Variants in TUBGCP2 observed in about 807,000 individuals in gnomAD.
TUBGCP2 encodes the protein tubulin gamma complex component 2, also known as gamma-tubulin complex component 2.
Under a neutral mutation model 92.2 loss-of-function variants are expected in TUBGCP2, and 55 were observed. The observed-to-expected ratio is 0.60, with a 90% CI of 0.48 to 0.75. The LOEUF (loss-of-function observed/expected upper bound fraction) is 0.75, where lower values mean the gene tolerates loss of function less well. TUBGCP2 is among the 30% of genes least tolerant of loss of function. The pLI is 0.00. For missense variants in TUBGCP2, 1,093 were observed against 1,188.9 expected, an observed-to-expected ratio of 0.92 and a Z score of 1.19; for synonymous variants, 533 against 505.2, an observed-to-expected ratio of 1.06 and a Z score of -0.74.
intron 1 of TUBGCP2, among the ~76,000 whole-genome samples, chr10:133,303,407 T>A (rs761597842): frequency 6.6e-6 from 1 of 152,202 alleles, no homozygotes. Context: ...GTGGGCAGCA[T>A]GAATGGGGCC....
chr10:133,303,881 G>A (rs1847741455), intron 1 of TUBGCP2, among the ~76,000 whole-genome samples: 1 of 152,226 alleles, frequency 6.6e-6, no homozygotes, highest in Admixed American at 6.5e-5. Context: ...GATCGAAGGC[G>A]TCACAGACAC....
chr10:133,292,032 CCT>C (rs1442173866), intron 8 of TUBGCP2, among the ~76,000 whole-genome samples: 3 of 10,536 alleles, frequency 2.8e-4, no homozygotes, highest in Admixed American at 6.8e-4. Flanking sequence ...CCTCTGTGTC[CCT>C]CCGTGTCCCT....
intron 3 of TUBGCP2, 58 bp from the exon 4 acceptor site, chr10:133,299,661 G>A (rs1206698688): frequency 8.9e-6 from 13 of 1,456,974 alleles, no homozygotes; most frequent in African/African-American, 1.4e-5. Context: ...GGCCATAGGG[G>A]GAGAGTAGGG....
At chr10:133,283,372 A>C in intron 14 of TUBGCP2, 151 bp from the exon 15 acceptor site, 1 of 1,136,884 alleles carries the variant, frequency 8.8e-7, no homozygotes, top group East Asian at 2.6e-5. Flanking sequence ...AAACTTCCAA[A>C]CACCACTAAA....
rs781218555 is a variant in TUBGCP2, at chr10:133,279,842, T to C, written c.2633A>G (p.Gln878Arg). 2.5e-6 allele frequency: 4 copies of C among 1,601,174 alleles called. No individual in the cohort carries two copies. The highest frequency in any genetic ancestry group is 3.5e-5 in the Admixed American group (2 of 57,732). The change falls in exon 18 of 18, where the codon CAG (glutamine) becomes CGG (arginine). Residue 878 changes from glutamine (Q) to arginine (R), a missense_variant. Physicochemically the swap from Gln to Arg is conservative, Grantham distance 43. This residue lies in a region of TUBGCP2 where 598 missense variants were observed against 675.5 expected (regional missense o/e 0.89). Transcript: ENST00000252936. ...GACAGGCACTTGGGGGGTGGCCTTC[T>C]GGCTCCTCTCTGCAGACAGGCGCTC... ...RLERLSAERSQKATPQVPVLR... is the reference protein window; with the variant it reads ...RLERLSAERSRKATPQVPVLR...
At chr10:133,291,315 G>GGTCGTGGAT (rs1564938928) in intron 8 of TUBGCP2, among the ~76,000 whole-genome samples, 33 of 67,904 alleles carry the variant, frequency 4.9e-4, no homozygotes, top group South Asian at 1.3e-3. Flanking sequence ...TACCTGTACG[G>GGTCGTGGAT]GAGAGGGCAG....
In TUBGCP2 at chr10:133,283,218, A is replaced by C. The variant is rs1204748302; in HGVS notation, c.2149T>G (p.Ser717Ala). The change falls in exon 15 of 18, where the codon TCC becomes GCC. Residue 717 changes from serine to alanine, a missense_variant. Coordinates refer to ENST00000252936, the MANE Select transcript of TUBGCP2 (RefSeq NM_006659.4). ...HILEKNLKSA[S>A]NIDDVLGHHT... Reference sequence around the variant, plus strand: ...TGGCCAAGGACGTCGTCAATGTTGGAGGCCTGCGGGGAACAGGCCAAGCCC... The same window carrying C: ...TGGCCAAGGACGTCGTCAATGTTGGCGGCCTGCGGGGAACAGGCCAAGCCC... 5.0e-6 allele frequency: 8 copies of C among 1,614,048 alleles called. No individual in the cohort carries two copies. The African/African-American group carries it at 8.0e-5, about 16-fold the overall frequency.
At chr10:133,306,968 C>T (rs986615881) in intron 1 of TUBGCP2, among the ~76,000 whole-genome samples, 1 of 152,126 alleles carries the variant, frequency 6.6e-6, no homozygotes, top group South Asian at 2.1e-4. Flanking sequence ...GTCCCTCCCC[C>T]CAGAAGACCT....
intron 11 of TUBGCP2, 99 bp downstream of exon 11, chr10:133,288,030 G>A: frequency 7.0e-7 from 1 of 1,431,508 alleles, no homozygotes; most frequent in Non-Finnish European, 9.2e-7. Flanking sequence ...CGCCTCACCG[G>A]GACGGGGAGT....
chr10:133,293,736 A>G lies in TUBGCP2; in HGVS notation c.650T>C (p.Val217Ala). 6.2e-7 allele frequency: 1 copy of G among 1,600,492 alleles called. No individual in the cohort carries two copies. The highest frequency in any genetic ancestry group is 8.5e-7 in the Non-Finnish European group (1 of 1,174,606). ...TLPLASQESA[V>A]VEDLLYVLVG... ...CAGCACGTACAGCAGGTCCTCCACC[A>G]CGGCCGACTCCTGCGAGGCCAGGGG... Residue 217 changes from valine (V) to alanine (A), a missense_variant, in exon 6 of 18, where the codon GTG (valine) becomes GCG (alanine). Coordinates refer to ENST00000252936, the MANE Select transcript of TUBGCP2 (RefSeq NM_006659.4).
chr10:133,282,680 C>T (rs961507188), intron 15 of TUBGCP2, among the ~76,000 whole-genome samples: 11 of 152,222 alleles, frequency 7.2e-5, no homozygotes, highest in Admixed American at 5.9e-4. Context: ...ATTCTCAGAC[C>T]CCTGCTTCTG....
chr10:133,304,684 G>C (rs1376569305), intron 1 of TUBGCP2, among the ~76,000 whole-genome samples: 1 of 152,196 alleles, frequency 6.6e-6, no homozygotes, highest in African/African-American at 2.4e-5. Flanking sequence ...AGTTATGCTA[G>C]ATCTAGATCA....
At chr10:133,286,029 T>C (rs3008336) in intron 11 of TUBGCP2, among the ~76,000 whole-genome samples, 112,312 of 152,056 alleles carry the variant, frequency 0.74, 43,020 homozygotes, top group East Asian at 0.93. Flanking sequence ...CAAGTAATAC[T>C]GTCCTCACGT....
At chr10:133,307,857 G>A (rs1372401156) in intron 1 of TUBGCP2, among the ~76,000 whole-genome samples, 5 of 152,214 alleles carry the variant, frequency 3.3e-5, no homozygotes, top group Non-Finnish European at 1.5e-5. Flanking sequence ...CCACCTAGAG[G>A]AGCCTCTTGC....
upstream of TUBGCP2, chr10:133,310,571 C>CA: frequency 2.2e-6 from 1 of 458,598 alleles, no homozygotes; most frequent in Non-Finnish European, 4.0e-6. Context: ...CCTCCGCACT[C>CA]ACACCCCTCT....
At chr10:133,310,293 G>A (rs1847960759), upstream of TUBGCP2, 1 of 1,613,808 alleles carries the variant, frequency 6.2e-7, no homozygotes, top group Non-Finnish European at 8.5e-7. Flanking sequence ...CAGAAGGTAG[G>A]GAGCCGCCAG....
intron 11 of TUBGCP2, among the ~76,000 whole-genome samples, 192 bp downstream of exon 11, chr10:133,287,937 G>A (rs1379916244): frequency 6.6e-6 from 1 of 152,158 alleles, no homozygotes; most frequent in African/African-American, 2.4e-5. Flanking sequence ...CGAGACCCGC[G>A]CCCCTCCAGA....
chr10:133,280,068 T>C (rs1846928756), intron 17 of TUBGCP2, among the ~76,000 whole-genome samples, 167 bp from the exon 18 acceptor site: 1 of 152,264 alleles, frequency 6.6e-6, no homozygotes, highest in East Asian at 1.9e-4. Context: ...ACACTCCTTC[T>C]GCGGGTCCGT....
upstream of TUBGCP2, chr10:133,311,682 T>G (rs111577243): frequency 1.3e-6 from 2 of 1,580,870 alleles, no homozygotes; most frequent in Non-Finnish European, 1.7e-6. Flanking sequence ...GTGGGAGCCG[T>G]GCAGGGCAGT....
Sources: gnomAD v4.1 joint callset for allele counts (sites outside exome capture counted in the v4.1 genomes callset) on GRCh38, gnomAD v4.1.1 for gene constraint, gnomAD v4.1.1 regional missense constraint, MANE v1.5 for transcripts, NCBI Gene and HGNC (gene_info 2026-07-23, HGNC 2026-07-21) for gene names.